Variants in MMP26 observed in about 807,000 individuals in gnomAD.
MMP26 encodes matrix metallopeptidase 26.
A neutral mutation model predicts 31.0 loss-of-function variants in MMP26; 33 were observed. That is an observed-to-expected ratio of 1.06 (90% confidence interval 0.81 to 1.42). The LOEUF (loss-of-function observed/expected upper bound fraction) is 1.42, where lower values mean the gene tolerates loss of function less well. MMP26 is among the 40% of genes most tolerant of loss of function. The pLI is 0.00. For synonymous variants in MMP26, 122 were observed against 114.9 expected (o/e 1.06, Z -0.40); for missense variants, 347 against 316.1 (o/e 1.10, Z -0.74).
chr11:4,838,315 T>TAAAAAAAAAAAAAAAAAAAA (rs540572047), intron 2 of MMP26, among the ~76,000 whole-genome samples: 1 of 27,406 alleles, frequency 3.6e-5, no homozygotes. Context: ...AGACTCTGTC[T>TAAAAAAAAAAAAAAAAAAAA]AAAAAAAAAA....
At chr11:4,769,424 A>G in intron 2 of MMP26, 2 of 1,613,870 alleles carry the variant, frequency 1.2e-6, no homozygotes, top group Non-Finnish European at 1.7e-6. Context: ...GAGAGGCTTA[A>G]GGAGCAAAAG....
At chr11:4,915,305 A>G (rs770867497) in intron 2 of MMP26, 37 of 1,613,930 alleles carry the variant, frequency 2.3e-5, no homozygotes, top group Non-Finnish European at 3.0e-5. Flanking sequence ...CATAGACAGT[A>G]GCACAGAGGA....
At chr11:4,873,338 CTA>C (rs763592964) in intron 2 of MMP26, among the ~76,000 whole-genome samples, 1 of 152,018 alleles carries the variant, frequency 6.6e-6, no homozygotes, top group Non-Finnish European at 1.5e-5. Context: ...CATGTGAATT[CTA>C]GTAGCATATC....
At chr11:4,905,160 A>G (rs1180179212) in intron 2 of MMP26, among the ~76,000 whole-genome samples, 2 of 152,158 alleles carry the variant, frequency 1.3e-5, no homozygotes, top group Non-Finnish European at 2.9e-5. Context: ...GAATTTGCTA[A>G]GAAAACACAG....
intron 1 of MMP26, among the ~76,000 whole-genome samples, chr11:4,717,781 A>G (rs1245655478): frequency 1.3e-5 from 2 of 152,232 alleles, no homozygotes; most frequent in Non-Finnish European, 1.5e-5. Flanking sequence ...AATGAGGCAC[A>G]TACAGTTTAG....
intron 2 of MMP26, among the ~76,000 whole-genome samples, chr11:4,911,058 TTGGTTGGATAAATACGAAACC>T (rs988228084): frequency 1.2e-4 from 19 of 152,166 alleles, no homozygotes; most frequent in Admixed American, 1.2e-3. Context: ...TCAATAGATA[TTGGTTGGATAAATACGAAACC>T]TGCAGTCACT....
intron 2 of MMP26, among the ~76,000 whole-genome samples, chr11:4,853,137 G>T (rs1589919918): frequency 6.6e-6 from 1 of 152,172 alleles, no homozygotes; most frequent in Non-Finnish European, 1.5e-5. Flanking sequence ...TGTACAGCAT[G>T]ATGATTATAG....
At chr11:4,823,248 TTGTG>T (rs1849535464) in intron 2 of MMP26, among the ~76,000 whole-genome samples, 1 of 152,130 alleles carries the variant, frequency 6.6e-6, no homozygotes, top group South Asian at 2.1e-4. Context: ...TTTTCATCCT[TTGTG>T]TGTGCTTCAA....
At chr11:4,895,315 A>C (rs74054636) in intron 2 of MMP26, among the ~76,000 whole-genome samples, 2,240 of 152,238 alleles carry the variant, frequency 0.015, 55 homozygotes, top group African/African-American at 0.05. Context: ...TCTTATAATT[A>C]CTTGAAACCA....
At position 4,821,544 on chromosome 11, in the gene MMP26, C is replaced by G. The variant is rs142655176; in HGVS notation, c.-145+54203C>G. 4.3e-6 allele frequency: 7 copies of G among 1,612,360 alleles called. No homozygotes were observed. The African/African-American group carries it at 6.7e-5, about 15-fold the overall frequency. ...TTTGTCTCCTATATGTTGTTGCCGT[C>G]TCTGGAAATAGCATGATCCTGTTTG... is the stretch of plus-strand genomic sequence containing the variant. On this transcript the variant is annotated intron_variant, in intron 2 of 7. Coordinates refer to ENST00000380390, the MANE Select transcript of MMP26 (RefSeq NM_021801.5).
At chr11:4,887,169 C>G (rs1406829538) in intron 2 of MMP26, among the ~76,000 whole-genome samples, 1 of 151,834 alleles carries the variant, frequency 6.6e-6, no homozygotes. Context: ...GTTGAGTAAA[C>G]TGCACAATTT....
At chr11:4,919,905 C>T (rs1272093382) in intron 2 of MMP26, among the ~76,000 whole-genome samples, 3 of 152,124 alleles carry the variant, frequency 2.0e-5, no homozygotes. Flanking sequence ...TGTCTCTGAT[C>T]CACTCAGAAC....
chr11:4,986,261 A>G (rs986812146), intron 2 of MMP26, among the ~76,000 whole-genome samples: 11 of 152,172 alleles, frequency 7.2e-5, no homozygotes, highest in African/African-American at 2.7e-4. Context: ...GGTTTAAAAC[A>G]CAGAATTGCC....
chr11:4,849,057 C>T (rs1254430073), intron 2 of MMP26: 2 of 1,613,984 alleles, frequency 1.2e-6, no homozygotes, highest in East Asian at 2.2e-5. Flanking sequence ...GAGGATGGTG[C>T]CATTTCCCAG....
intron 2 of MMP26, among the ~76,000 whole-genome samples, chr11:4,898,142 C>T (rs7951605): frequency 0.033 from 4,961 of 151,658 alleles, 271 homozygotes; most frequent in African/African-American, 0.11. Context: ...TGTCTCTCTG[C>T]AAACATATAT....
At chr11:4,940,008 T>C (rs1487318731) in intron 2 of MMP26, among the ~76,000 whole-genome samples, 2 of 152,048 alleles carry the variant, frequency 1.3e-5, no homozygotes, top group Non-Finnish European at 1.5e-5. Context: ...CATTATTCTT[T>C]AGAGGTAGTC....
rs1389869725 is a variant in MMP26 at position 4,772,993 on chromosome 11, T to C, written c.-145+5652T>C. 4.6e-5 allele frequency among the ~76,000 whole-genome samples: 7 copies of C among 152,192 alleles called. No individual in the cohort carries two copies. In the East Asian group the frequency reaches 1.3e-3, roughly 29 times the overall value. On this transcript the variant is annotated intron_variant, in intron 2 of 7. Transcript: ENST00000380390. ...TCTACCCGGCATTCCCATCAACTGT[T>C]TTGACTAATACTTCCACGACAAAAA...
At chr11:4,961,411 G>T (rs919168268) in intron 2 of MMP26, among the ~76,000 whole-genome samples, 9 of 152,066 alleles carry the variant, frequency 5.9e-5, no homozygotes, top group African/African-American at 2.2e-4. Context: ...CCTCTTACAC[G>T]CACACACTGA....
chr11:4,848,469 G>T (rs1317991811), intron 2 of MMP26: 24 of 1,613,620 alleles, frequency 1.5e-5, no homozygotes, highest in Non-Finnish European at 2.0e-5. Flanking sequence ...GGCAGCACAG[G>T]TTTGACCAGC....
Sources: gnomAD v4.1 joint callset for allele counts (sites outside exome capture counted in the v4.1 genomes callset) on GRCh38, gnomAD v4.1.1 for gene constraint, MANE v1.5 for transcripts, NCBI Gene and HGNC (gene_info 2026-07-23, HGNC 2026-07-21) for gene names.